The following SHANK2 variants were observed in gnomAD, a reference collection of about 807,000 sequenced individuals.
SHANK2 encodes SH3 and multiple ankyrin repeat domains protein 2.
SHANK2 carries 43 observed loss-of-function variants against 133.7 expected under a neutral mutation model. The ratio of observed to expected loss-of-function variants is 0.32; its 90% CI spans 0.25 to 0.41. The LOEUF (loss-of-function observed/expected upper bound fraction) is 0.41, where lower values mean the gene tolerates loss of function less well. SHANK2 is among the 10% of genes least tolerant of loss of function. SHANK2 has a pLI of 1.00. For missense variants in SHANK2, 1,994 were observed against 2,235.8 expected, an observed-to-expected ratio of 0.89 and a Z score of 2.18; for synonymous variants, 1,017 against 952.8, an observed-to-expected ratio of 1.07 and a Z score of -1.24.
At chr11:70,933,135 G>A (rs1555082789) in intron 10 of SHANK2, 2 of 456,626 alleles carry the variant, frequency 4.4e-6, no homozygotes, top group Non-Finnish European at 8.8e-6. Flanking sequence ...GCAGATAAAT[G>A]GATGAACAAA....
At chr11:70,755,671 G>A (rs1025662910) in intron 14 of SHANK2, among the ~76,000 whole-genome samples, 1 of 152,142 alleles carries the variant, frequency 6.6e-6, no homozygotes, top group Non-Finnish European at 1.5e-5. Flanking sequence ...CCTGGAGGCC[G>A]CCCTCGGCTC....
chr11:70,774,293 C>G (rs986295155), intron 14 of SHANK2, among the ~76,000 whole-genome samples: 30 of 151,776 alleles, frequency 2.0e-4, no homozygotes, highest in African/African-American at 7.2e-4. Context: ...GTTGCCAGGG[C>G]TCCGGTAAAG....
chr11:70,881,738 T>TG (rs1949664108), intron 11 of SHANK2, among the ~76,000 whole-genome samples: 1 of 151,340 alleles, frequency 6.6e-6, no homozygotes, highest in Non-Finnish European at 1.5e-5. Context: ...TTAATTTTAT[T>TG]TTTTTTTAAG....
At chr11:70,848,831 A>C (rs527629800) in intron 11 of SHANK2, among the ~76,000 whole-genome samples, 134 of 152,338 alleles carry the variant, frequency 8.8e-4, no homozygotes, top group African/African-American at 3.0e-3. Context: ...TGGGAGAGCC[A>C]GTCCTTTCCC....
intron 2 of SHANK2, among the ~76,000 whole-genome samples, chr11:71,215,844 G>A (rs1555119749): frequency 1.3e-5 from 2 of 152,216 alleles, no homozygotes; most frequent in Non-Finnish European, 2.9e-5. Context: ...AAGGAGTGGA[G>A]TCAGGCTCCC....
chr11:70,551,379 C>T lies in SHANK2; in HGVS notation c.2062-48448G>A, dbSNP rs1031661077. Among the ~76,000 whole-genome samples, 9 of 146,610 alleles carry T rather than the reference C, an allele frequency of 6.1e-5. 1 individual carries two copies. The highest frequency in any genetic ancestry group is 2.4e-4 in the South Asian group (1 of 4,164). ...CCAGTCTGACCCTAAGCTGCGTGGA[C>T]GGGGAGTGGAGCTCTACCTCTTAAT... is the stretch of plus-strand genomic sequence containing the variant. On this transcript the variant is annotated intron_variant, in intron 17 of 25. Transcript: ENST00000601538.
At chr11:71,240,495 G>A (rs1415156644) in intron 1 of SHANK2, among the ~76,000 whole-genome samples, 1 of 152,186 alleles carries the variant, frequency 6.6e-6, no homozygotes, top group East Asian at 1.9e-4. Flanking sequence ...GGTGGAGGCG[G>A]GGACACTGCA....
At chr11:71,145,380 G>A (rs1209913008) in intron 3 of SHANK2, among the ~76,000 whole-genome samples, 1 of 152,264 alleles carries the variant, frequency 6.6e-6, no homozygotes, top group African/African-American at 2.4e-5. Flanking sequence ...CGCATTCAAA[G>A]CTGTCCTGGG....
intron 17 of SHANK2, chr11:70,633,534 T>A (rs1343354854): frequency 6.6e-6 from 1 of 152,198 alleles, no homozygotes; most frequent in East Asian, 1.9e-4. Context: ...GTACAAACAG[T>A]GTTCAGCTTA....
intron 10 of SHANK2, among the ~76,000 whole-genome samples, chr11:70,903,996 C>T (rs1449402235): frequency 1.3e-5 from 2 of 152,180 alleles, no homozygotes; most frequent in South Asian, 2.1e-4. Context: ...CACAGACCCT[C>T]GACCTGGTGC....
intron 14 of SHANK2, among the ~76,000 whole-genome samples, chr11:70,757,005 CATG>C (rs1252568220): frequency 1.3e-5 from 2 of 152,188 alleles, no homozygotes; most frequent in Non-Finnish European, 2.9e-5. Context: ...TAGCAGTTTC[CATG>C]ATATTGGACG....
At chr11:70,629,165 T>C (rs2060944480) in intron 17 of SHANK2, among the ~76,000 whole-genome samples, 1 of 151,946 alleles carries the variant, frequency 6.6e-6, no homozygotes, top group Non-Finnish European at 1.5e-5. Context: ...CACCCCCACA[T>C]CCCAGCACCG....
intron 2 of SHANK2, among the ~76,000 whole-genome samples, chr11:71,202,104 A>G (rs1373106308): frequency 6.6e-6 from 1 of 152,252 alleles, no homozygotes; most frequent in East Asian, 1.9e-4. Flanking sequence ...ACTGTGTGCC[A>G]AGTGAATGAA....
At position 71,245,640 on chromosome 11, in the gene SHANK2, T is replaced by C. The variant is rs116866485; in HGVS notation, c.-113+6785A>G. Reference sequence around the variant, plus strand: ...CACGGTGGAGTGGGCAGCCGCCAGGTGTGGATCCCAGCTGGGCCACACGAC... The same window carrying C: ...CACGGTGGAGTGGGCAGCCGCCAGGCGTGGATCCCAGCTGGGCCACACGAC... On this transcript the variant is annotated intron_variant, in intron 1 of 25. Coordinates refer to ENST00000601538, the MANE Select transcript of SHANK2 (RefSeq NM_012309.5). 6.1e-3 allele frequency among the ~76,000 whole-genome samples: 929 copies of C among 152,266 alleles called. 17 individuals carry two copies. In the East Asian group the frequency reaches 0.069, roughly 11 times the overall value.
intron 9 of SHANK2, among the ~76,000 whole-genome samples, chr11:71,069,168 C>T (rs904381820): frequency 1.3e-5 from 2 of 151,914 alleles, no homozygotes; most frequent in Non-Finnish European, 2.9e-5. Flanking sequence ...CCACCCTCAC[C>T]ACCATCATCA....
Position 70,473,708 on chromosome 11 carries a change from G to A in SHANK2, c.4980-269C>T. 1.8e-6 allele frequency: 1 copy of A among 547,470 alleles called. No individual in the cohort carries two copies. Among genetic ancestry groups the A allele is most frequent in the East Asian group, 3.5e-5 (1 of 28,578 alleles). The allele number at this position is 547,470 out of a possible 1,614,324, so 33.9% of individuals were successfully genotyped here. A position where few individuals can be genotyped will look rare whatever the true frequency, so the allele number is the denominator to read the frequency against. On this transcript the variant is annotated intron_variant, in intron 25 of 25. Coordinates refer to ENST00000601538, the MANE Select transcript of SHANK2 (RefSeq NM_012309.5). This position sits in a 1 kb window ranked among gnomAD's most constrained non-coding sequence, Gnocchi z 5.9. ...GGGCTGGGGGACCTGCCTGTGCTGG[G>A]GGGAGCACACCACGTCAGCCCACTC...
At chr11:70,612,428 A>C (rs1309611339) in intron 17 of SHANK2, among the ~76,000 whole-genome samples, 1 of 152,180 alleles carries the variant, frequency 6.6e-6, no homozygotes, top group Non-Finnish European at 1.5e-5. Flanking sequence ...GTTTCTCTAC[A>C]TACGTGTGTA....
At chr11:70,577,634 C>A (rs1417846414) in intron 17 of SHANK2, among the ~76,000 whole-genome samples, 2 of 152,154 alleles carry the variant, frequency 1.3e-5, no homozygotes, top group African/African-American at 4.8e-5. Flanking sequence ...ATTTGAGGGG[C>A]CAGGACTGGT....
intron 14 of SHANK2, among the ~76,000 whole-genome samples, chr11:70,732,233 C>T (rs537434841): frequency 4.7e-4 from 71 of 152,288 alleles, no homozygotes; most frequent in South Asian, 2.9e-3. Context: ...TTGCTGAAGC[C>T]GCAAGCCTCG....
Sources: allele counts gnomAD v4.1 joint callset (sites outside exome capture counted in the v4.1 genomes callset), GRCh38; gene constraint gnomAD v4.1.1; non-coding constraint Gnocchi (gnomAD v3.1); transcripts MANE v1.5; gene names NCBI Gene and HGNC (gene_info 2026-07-23, HGNC 2026-07-21).